Variants in IGSF21 observed in about 807,000 individuals in gnomAD.
The protein encoded by IGSF21 is immunoglobin superfamily member 21, also known as immunoglobulin superfamily member 21.
Under a neutral mutation model 46.8 loss-of-function variants are expected in IGSF21, and 28 were observed. The ratio of observed to expected loss-of-function variants is 0.60; its 90% CI spans 0.44 to 0.82. IGSF21 has a LOEUF of 0.82. IGSF21 is among the 40% of genes least tolerant of loss of function. IGSF21 has a pLI of 0.00. For synonymous variants in IGSF21, 284 were observed against 273.6 expected, an observed-to-expected ratio of 1.04 and a Z score of -0.38; for missense variants, 624 against 665.5, an observed-to-expected ratio of 0.94 and a Z score of 0.69.
intron 1 of IGSF21, among the ~76,000 whole-genome samples, chr1:18,131,027 C>A (rs1274631967): frequency 6.6e-6 from 1 of 152,238 alleles, no homozygotes; most frequent in East Asian, 1.9e-4. Flanking sequence ...GAGGACAGAG[C>A]CAGGCCCGAG....
chr1:18,356,178 C>T (rs943479730), intron 4 of IGSF21, among the ~76,000 whole-genome samples: 1 of 152,168 alleles, frequency 6.6e-6, no homozygotes, highest in African/African-American at 2.4e-5. Flanking sequence ...ACTGTTTATT[C>T]TTCCCCAAGC....
At chr1:18,174,083 A>G (rs1040291558) in intron 1 of IGSF21, among the ~76,000 whole-genome samples, 1 of 152,168 alleles carries the variant, frequency 6.6e-6, no homozygotes, top group Non-Finnish European at 1.5e-5. Flanking sequence ...TACTTTCCAT[A>G]CATGAATGTT....
chr1:18,279,238 G>C (rs2085134679), intron 2 of IGSF21, among the ~76,000 whole-genome samples: 1 of 152,188 alleles, frequency 6.6e-6, no homozygotes, highest in African/African-American at 2.4e-5. Flanking sequence ...GTTAATGTCT[G>C]CATGGCAATT....
chr1:18,250,612 G>A (rs774089284), intron 2 of IGSF21, among the ~76,000 whole-genome samples: 8 of 152,078 alleles, frequency 5.3e-5, no homozygotes, highest in Admixed American at 2.0e-4. Flanking sequence ...AAAGAGGATC[G>A]CCAGGTAGTT....
chr1:18,376,983 A>G lies in IGSF21; in HGVS notation c.1285A>G (p.Ile429Val). 6.3e-7 allele frequency: 1 copy of G among 1,592,096 alleles called. No homozygotes were observed. Among genetic ancestry groups the G allele is most frequent in the African/African-American group, 1.3e-5 (1 of 74,534 alleles). ...CTCCACCGACACGCACACCCGGCTC[A>G]TCGTGTTTGGTATGGCGCGCTCAAC... Reference protein sequence around the residue: ...LGSTDTHTRLIVFENPNIPRG... With the variant: ...LGSTDTHTRLVVFENPNIPRG... Residue 429 changes from isoleucine (I) to valine (V), a missense_variant, in exon 8 of 10, where the codon ATC (isoleucine) becomes GTC (valine). Ile to Val is a conservative substitution (Grantham distance 29). Transcript: ENST00000251296.
chr1:18,359,362 GAAAGAAAGAAAGAAAGA>G (rs2086061988), intron 4 of IGSF21, among the ~76,000 whole-genome samples: 1 of 82,734 alleles, frequency 1.2e-5, no homozygotes, highest in African/African-American at 4.6e-5. Context: ...AAGAAAGAAA[GAAAGAAAGAAAGAAAGA>G]AAGAAAGGAA....
At chr1:18,278,391 C>T (rs974606886) in intron 2 of IGSF21, among the ~76,000 whole-genome samples, 1 of 151,978 alleles carries the variant, frequency 6.6e-6, no homozygotes. Context: ...AGGCGCCCCC[C>T]CAACACACCT....
intron 1 of IGSF21, among the ~76,000 whole-genome samples, chr1:18,171,742 C>T (rs2086738975): frequency 6.6e-6 from 1 of 152,264 alleles, no homozygotes; most frequent in Non-Finnish European, 1.5e-5. Flanking sequence ...CCATTCTCTT[C>T]TAGCAAAACT....
At chr1:18,170,927 G>C (rs1408464979) in intron 1 of IGSF21, among the ~76,000 whole-genome samples, 1 of 152,142 alleles carries the variant, frequency 6.6e-6, no homozygotes, top group Non-Finnish European at 1.5e-5. Context: ...GACTTAAGAG[G>C]GTCAGGTTAT....
chr1:18,306,523 A>G (rs1248885903), intron 3 of IGSF21, among the ~76,000 whole-genome samples: 2 of 151,974 alleles, frequency 1.3e-5, no homozygotes, highest in East Asian at 3.9e-4. Flanking sequence ...TCCCTCTCAT[A>G]TCAAGCACCC....
intron 2 of IGSF21, among the ~76,000 whole-genome samples, chr1:18,251,870 A>T (rs2084845042): frequency 6.6e-6 from 1 of 152,074 alleles, no homozygotes; most frequent in Non-Finnish European, 1.5e-5. Flanking sequence ...TAACATTCAT[A>T]CAACACTTGG....
chr1:18,169,180 A>G (rs894599226), intron 1 of IGSF21, among the ~76,000 whole-genome samples: 3 of 152,216 alleles, frequency 2.0e-5, no homozygotes, highest in South Asian at 2.1e-4. Context: ...TTGGGCCCCA[A>G]TGGCCCAGGC....
At chr1:18,166,707 C>A (rs1267393233) in intron 1 of IGSF21, among the ~76,000 whole-genome samples, 1 of 152,180 alleles carries the variant, frequency 6.6e-6, no homozygotes, top group Non-Finnish European at 1.5e-5. Context: ...TCTGTCCAGG[C>A]ATCTGCTCTC....
chr1:18,144,871 C>T (rs1330368896), intron 1 of IGSF21, among the ~76,000 whole-genome samples: 1 of 152,068 alleles, frequency 6.6e-6, no homozygotes, highest in Non-Finnish European at 1.5e-5. Flanking sequence ...CCCCATTTGC[C>T]ACAACTTGAC....
At chr1:18,159,667 AC>A (rs1319643337) in intron 1 of IGSF21, among the ~76,000 whole-genome samples, 1 of 144,700 alleles carries the variant, frequency 6.9e-6, no homozygotes, top group African/African-American at 2.6e-5. Context: ...TTTATAAATC[AC>A]CCAGTCTCGG....
chr1:18,142,269 C>T (rs777346548), intron 1 of IGSF21, among the ~76,000 whole-genome samples: 113 of 152,164 alleles, frequency 7.4e-4, no homozygotes, highest in South Asian at 3.5e-3. Context: ...GGCCTTAATC[C>T]TCACAACAGC....
At chr1:18,240,752 C>T (rs2084719486) in intron 2 of IGSF21, among the ~76,000 whole-genome samples, 1 of 152,202 alleles carries the variant, frequency 6.6e-6, no homozygotes, top group Non-Finnish European at 1.5e-5. Context: ...TGGTGGACTT[C>T]CTAACCCTGG....
chr1:18,328,342 G>C (rs1569819917), intron 3 of IGSF21, among the ~76,000 whole-genome samples: 2 of 152,170 alleles, frequency 1.3e-5, no homozygotes, highest in African/African-American at 4.8e-5. Flanking sequence ...TTGTAATAAA[G>C]AGCTGAGTAT....
At position 18,365,734 on chromosome 1, in the gene IGSF21, C is replaced by A; in HGVS notation, c.1015+37C>A. Reference sequence around the variant, plus strand: ...TGGGGGCCCTTCTGTAGAGCCCTTGCAGACCTGGGTGTGGGGAGAGCCTTG... The same window carrying A: ...TGGGGGCCCTTCTGTAGAGCCCTTGAAGACCTGGGTGTGGGGAGAGCCTTG... On this transcript the variant is annotated intron_variant, in intron 6 of 9. Transcript: ENST00000251296. This position sits in a 1 kb window ranked among gnomAD's most constrained non-coding sequence, Gnocchi z 4.8. 1.3e-6 allele frequency: 2 copies of A among 1,539,856 alleles called. No individual in the cohort carries two copies. The highest frequency in any genetic ancestry group is 1.8e-6 in the Non-Finnish European group (2 of 1,125,638).
Sources: allele counts gnomAD v4.1 joint callset (sites outside exome capture counted in the v4.1 genomes callset), GRCh38; gene constraint gnomAD v4.1.1; non-coding constraint Gnocchi (gnomAD v3.1); transcripts MANE v1.5; gene names NCBI Gene and HGNC (gene_info 2026-07-23, HGNC 2026-07-21).